The following COPG2 variants were observed in gnomAD, a reference collection of about 807,000 sequenced individuals.
COPG2 encodes the protein coatomer subunit gamma-2.
COPG2 carries 37 observed loss-of-function variants against 46.3 expected under a neutral mutation model. That is an observed-to-expected ratio of 0.80 (90% CI 0.61 to 1.05). COPG2 has a LOEUF of 1.05. Among genes scored for constraint, COPG2 ranks in the 50% least tolerant of loss-of-function variants. COPG2 has a pLI of 0.00. For synonymous variants in COPG2, 159 were observed against 129.7 expected, an observed-to-expected ratio of 1.23 and a Z score of -1.53; for missense variants, 427 against 387.8, an observed-to-expected ratio of 1.10 and a Z score of -0.85.
chr7:130,529,941 G>A (rs926790920), intron 20 of COPG2, among the ~76,000 whole-genome samples: 1 of 152,204 alleles, frequency 6.6e-6, no homozygotes, highest in Non-Finnish European at 1.5e-5. Flanking sequence ...GAGGTTCATA[G>A]TGAAGCTGAG....
chr7:130,657,608 TGA>T (rs1795882241), intron 4 of COPG2, among the ~76,000 whole-genome samples: 1 of 152,160 alleles, frequency 6.6e-6, no homozygotes, highest in Non-Finnish European at 1.5e-5. Context: ...AGCCATATAC[TGA>T]GAGACAATAA....
Position 130,629,229 on chromosome 7 carries a change from C to T in COPG2, c.324-12164G>A, listed in dbSNP as rs896409088. On this transcript the variant is annotated intron_variant, in intron 5 of 23. Transcript: ENST00000425248. ...TTTTCTATTTAAATTTTCTTTTTGG[C>T]AGTTTCACTGATATGCCTAGAGGTA... 4.6e-5 allele frequency among the ~76,000 whole-genome samples: 7 copies of T among 151,940 alleles called. No homozygotes were observed. In the East Asian group the frequency reaches 7.7e-4, roughly 17 times the overall value.
intron 5 of COPG2, among the ~76,000 whole-genome samples, chr7:130,620,442 T>C (rs1554453466): frequency 2.0e-5 from 3 of 152,154 alleles, no homozygotes; most frequent in Non-Finnish European, 2.9e-5. Flanking sequence ...CTCTGGCCCA[T>C]AGAGTGGAGC....
At chr7:130,534,270 C>T (rs1461376116) in intron 20 of COPG2, among the ~76,000 whole-genome samples, 3 of 152,136 alleles carry the variant, frequency 2.0e-5, no homozygotes, top group African/African-American at 2.4e-5. Context: ...AGCACCTCCA[C>T]AGAAACCACC....
Position 130,666,898 on chromosome 7 carries a change from G to T in COPG2, c.122C>A (p.Pro41Gln). The T allele has an allele frequency of 6.4e-7, 1 of 1,564,920 alleles. No homozygotes were observed. The highest frequency in any genetic ancestry group is 8.7e-7 in the Non-Finnish European group (1 of 1,146,202). ...ARIFNETPINPRRCLHILTKI... is the reference protein window; with the variant it reads ...ARIFNETPINQRRCLHILTKI... Reference sequence around the variant, plus strand: ...TGTAAGAATATGCAAACATCTTCTTGGATTGATTGGAGTTTCATTGAATAT... The same window carrying T: ...TGTAAGAATATGCAAACATCTTCTTTGATTGATTGGAGTTTCATTGAATAT... The change falls in exon 3 of 24, where the codon CCA (proline) becomes CAA (glutamine). Residue 41 changes from proline to glutamine, a missense_variant. By Grantham distance (76) the Pro-to-Gln change is moderately conservative (BLOSUM62 -1). Coordinates refer to ENST00000425248, the MANE Select transcript of COPG2 (RefSeq NM_012133.6).
At chr7:130,567,029 G>A (rs1024107575) in intron 9 of COPG2, among the ~76,000 whole-genome samples, 1 of 152,130 alleles carries the variant, frequency 6.6e-6, no homozygotes, top group Non-Finnish European at 1.5e-5. Flanking sequence ...TGAAGAAAAC[G>A]TAGTACATAT....
intron 6 of COPG2, among the ~76,000 whole-genome samples, chr7:130,615,806 C>A (rs1457333003): frequency 6.6e-6 from 1 of 152,142 alleles, no homozygotes; most frequent in Non-Finnish European, 1.5e-5. Flanking sequence ...TCAGTGCTGG[C>A]GCTTTCCTAG....
intron 9 of COPG2, among the ~76,000 whole-genome samples, chr7:130,585,869 G>A (rs558624297): frequency 1.3e-5 from 2 of 152,048 alleles, no homozygotes; most frequent in African/African-American, 4.8e-5. Context: ...ACTGCTGGTG[G>A]GAATGTAAAC....
chr7:130,552,760 A>T (rs1793552317), intron 14 of COPG2, among the ~76,000 whole-genome samples: 1 of 152,312 alleles, frequency 6.6e-6, no homozygotes, highest in East Asian at 1.9e-4. Context: ...ACCAGCCCCA[A>T]GCATAAAAAG....
intron 12 of COPG2, among the ~76,000 whole-genome samples, chr7:130,560,112 CT>C (rs1472834814): frequency 1.3e-5 from 2 of 152,084 alleles, no homozygotes; most frequent in East Asian, 3.9e-4. Flanking sequence ...TATAGATAAT[CT>C]CAAGGAATAC....
At chr7:130,667,956 G>A (rs1303566834) in intron 1 of COPG2, among the ~76,000 whole-genome samples, 3 of 152,144 alleles carry the variant, frequency 2.0e-5, no homozygotes, top group African/African-American at 7.2e-5. Context: ...GGTGCAAGAG[G>A]CCATGGAGGT....
At chr7:130,557,830 A>AAAAAAAAC (rs1793654215) in intron 12 of COPG2, among the ~76,000 whole-genome samples, 1 of 147,884 alleles carries the variant, frequency 6.8e-6, no homozygotes, top group African/African-American at 2.5e-5. Flanking sequence ...AAAAAAAAAA[A>AAAAAAAAC]AAAAAAAATC....
chr7:130,528,458 T>C (rs879023253), intron 20 of COPG2, among the ~76,000 whole-genome samples: 4,722 of 151,972 alleles, frequency 0.031, 109 homozygotes, highest in Middle Eastern at 0.068. Flanking sequence ...GTACGTGTGA[T>C]GCAGAGATGA....
chr7:130,619,472 C>T (rs12670178), intron 5 of COPG2, among the ~76,000 whole-genome samples: 64,482 of 152,042 alleles, frequency 0.42, 16,586 homozygotes, highest in East Asian at 0.59. Flanking sequence ...AAAATTAATG[C>T]ACGTAAGCTT....
intron 9 of COPG2, among the ~76,000 whole-genome samples, chr7:130,596,316 A>G (rs1050144766): frequency 1.8e-4 from 28 of 152,300 alleles, no homozygotes; most frequent in African/African-American, 5.1e-4. Flanking sequence ...TACTTCACAC[A>G]AAAGTTTAGT....
intron 5 of COPG2, among the ~76,000 whole-genome samples, chr7:130,632,254 CCTTT>C (rs1554455320): frequency 2.0e-5 from 3 of 152,190 alleles, no homozygotes; most frequent in Non-Finnish European, 4.4e-5. Context: ...GTCATCACTT[CCTTT>C]CTTTCAGCAC....
intron 14 of COPG2, among the ~76,000 whole-genome samples, chr7:130,553,793 T>A (rs1409784442): frequency 6.6e-6 from 1 of 152,174 alleles, no homozygotes; most frequent in Non-Finnish European, 1.5e-5. Context: ...TGAGGAGTGA[T>A]GGAAACATGT....
At chr7:130,591,600 T>TG (rs1230463157) in intron 9 of COPG2, among the ~76,000 whole-genome samples, 5 of 123,434 alleles carry the variant, frequency 4.1e-5, no homozygotes, top group African/African-American at 1.6e-4. Flanking sequence ...GGGAAGGAGG[T>TG]GGGGGGGTCA....
At chr7:130,582,690 C>A (rs1425115560) in intron 9 of COPG2, among the ~76,000 whole-genome samples, 6 of 150,120 alleles carry the variant, frequency 4.0e-5, no homozygotes, top group East Asian at 3.9e-4. Context: ...GGGCGAAGGA[C>A]ATGAACAGAC....
Sources: gnomAD v4.1 joint callset for allele counts (sites outside exome capture counted in the v4.1 genomes callset) on GRCh38, gnomAD v4.1.1 for gene constraint, MANE v1.5 for transcripts, NCBI Gene and HGNC (gene_info 2026-07-23, HGNC 2026-07-21) for gene names.